ENPP2: variants seen among roughly 807,000 people sequenced by gnomAD.
ENPP2 encodes the protein ectonucleotide pyrophosphatase/phosphodiesterase 2.
In ENPP2, 51 loss-of-function variants were observed where a neutral mutation model predicts 120.2. The observed-to-expected ratio is 0.42, with a 90% CI of 0.34 to 0.54. ENPP2 has a LOEUF of 0.54. Ranked by LOEUF, ENPP2 falls within the 20% of genes least tolerant of loss-of-function variation. ENPP2 has a pLI of 0.04. For synonymous variants in ENPP2, 365 were observed against 366.4 expected, an observed-to-expected ratio of 1.00 and a Z score of 0.04; for missense variants, 920 against 1,066.5, an observed-to-expected ratio of 0.86 and a Z score of 1.91.
rs558045681 is a variant in ENPP2, at chr8:119,659,054, C to T, written c.21+14198G>A. ...TCTTGGCTGGGCACAGTGGCTCACA[C>T]CTGTAGTCCCAGCACTTTGGAAGGC... On this transcript the variant is annotated intron_variant, in intron 1 of 25. Transcript: ENST00000427067. Among the ~76,000 whole-genome samples, 3 of 152,202 alleles carry T rather than the reference C, an allele frequency of 2.0e-5. No individual in the cohort carries two copies. The East Asian group carries it at 5.8e-4, about 29-fold the overall frequency.
Position 119,585,927 on chromosome 8 carries a change from G to GACACACAC in ENPP2, c.1367+251_1367+258dup, listed in dbSNP as rs34249912. Among the ~76,000 whole-genome samples the GACACACAC allele has an allele frequency of 3.8e-3, 549 of 146,320 alleles. 1 individual carries two copies. The highest frequency in any genetic ancestry group is 0.011 in the Middle Eastern group (3 of 284). On this transcript the variant is annotated intron_variant, in intron 15 of 24. Transcript: ENST00000075322. The stretch of plus-strand genomic sequence containing the variant: ...GAATGTAAATTCAAAGGATGAAAGA[G>GACACACAC]ACACACACACACACACACACACACA...
At chr8:119,616,217 A>G (rs775075285) in intron 8 of ENPP2, 48 bp downstream of exon 8, 10 of 1,538,626 alleles carry the variant, frequency 6.5e-6, no homozygotes, top group South Asian at 4.9e-5. Flanking sequence ...AAATGTCTCA[A>G]TACATGAACA....
At chr8:119,634,044 G>A (rs536998588) in intron 2 of ENPP2, among the ~76,000 whole-genome samples, 160 of 152,104 alleles carry the variant, frequency 1.1e-3, no homozygotes, top group African/African-American at 3.6e-3. Flanking sequence ...TTAGCCTGGC[G>A]CGGTGGTGGG....
chr8:119,602,031 G>C (rs1814348374), intron 9 of ENPP2, among the ~76,000 whole-genome samples: 1 of 152,164 alleles, frequency 6.6e-6, no homozygotes, highest in Admixed American at 6.5e-5. Context: ...TGATCATAAT[G>C]CGTTATCATT....
intron 9 of ENPP2, among the ~76,000 whole-genome samples, chr8:119,604,435 A>T (rs1386947621): frequency 6.6e-6 from 1 of 152,216 alleles, no homozygotes; most frequent in African/African-American, 2.4e-5. Flanking sequence ...GCCCTTAGCC[A>T]TTAGCATTTC....
intron 8 of ENPP2, among the ~76,000 whole-genome samples, chr8:119,610,504 G>C (rs1246023131): frequency 3.3e-5 from 5 of 151,908 alleles, no homozygotes; most frequent in Middle Eastern, 3.2e-3. Flanking sequence ...GAGAGAGAGA[G>C]AGAGAGAGAG....
chr8:119,576,775 G>A (rs186148859), intron 19 of ENPP2, among the ~76,000 whole-genome samples: 5 of 152,166 alleles, frequency 3.3e-5, no homozygotes, highest in Non-Finnish European at 5.9e-5. Flanking sequence ...ATGGAAAGTC[G>A]GCCAAGACAT....
At chr8:119,662,580 A>G (rs888301258) in intron 1 of ENPP2, among the ~76,000 whole-genome samples, 5 of 152,290 alleles carry the variant, frequency 3.3e-5, no homozygotes, top group Admixed American at 6.5e-5. Context: ...ACAGATCTAC[A>G]TATTTCTATT....
intron 1 of ENPP2, among the ~76,000 whole-genome samples, chr8:119,662,207 T>A (rs1563780010): frequency 6.6e-6 from 1 of 152,154 alleles, no homozygotes; most frequent in Non-Finnish European, 1.5e-5. Flanking sequence ...ATGATAAGGA[T>A]GTGAGGTGAT....
At chr8:119,619,346 C>T in intron 4 of ENPP2, 42 bp from the exon 5 acceptor site, 1 of 1,315,186 alleles carries the variant, frequency 7.6e-7, no homozygotes, top group Middle Eastern at 1.8e-4. Flanking sequence ...AATCTAATTA[C>T]AAATGCCATG....
chr8:119,638,474 A>G lies in ENPP2; in HGVS notation c.87T>C (p.Thr29=). 1 of 1,611,244 alleles carries G rather than the reference A, an allele frequency of 6.2e-7. No individual in the cohort carries two copies. The highest frequency in any genetic ancestry group is 2.2e-5 in the East Asian group (1 of 44,876). The change falls in exon 2 of 25, where the codon ACT becomes ACC. Residue 29 remains threonine (T), a synonymous_variant. Coordinates refer to ENST00000075322, the MANE Select transcript of ENPP2 (RefSeq NM_001040092.3). ...CTTCTGCTCTCTTAATTCGATGTGC[A>G]GTGAATCCTAAGCAGATATTGACTC... ...AVGVNICLGF[T]AHRIKRAEGW...
At chr8:119,604,326 C>T (rs1346619359) in intron 9 of ENPP2, among the ~76,000 whole-genome samples, 1 of 152,178 alleles carries the variant, frequency 6.6e-6, no homozygotes, top group Non-Finnish European at 1.5e-5. Context: ...CCACACCCAG[C>T]CTCTAATCTC....
chr8:119,646,127 C>T lies in ENPP2; in HGVS notation c.22-7600G>A, dbSNP rs147441261. On this transcript the variant is annotated intron_variant, in intron 1 of 25. Transcript: ENST00000427067. ...GGGATTACAGGCATGTGTCACCATA[C>T]CCGGCTAATTTTTTTGTATTTTTAG... Among the ~76,000 whole-genome samples the T allele has an allele frequency of 2.5e-3, 387 of 152,036 alleles. 1 individual carries two copies. The highest frequency in any genetic ancestry group is 8.6e-3 in the African/African-American group (355 of 41,480).
intron 19 of ENPP2, chr8:119,571,179 T>C (rs1035530559): frequency 4.9e-5 from 8 of 164,920 alleles, no homozygotes; most frequent in Admixed American, 4.5e-4. Context: ...GCCAATAGGA[T>C]TGGATTTCTG....
intron 12 of ENPP2, chr8:119,592,970 G>A (rs990017766): frequency 1.8e-5 from 18 of 981,748 alleles, no homozygotes; most frequent in Non-Finnish European, 2.1e-5. Flanking sequence ...TTCATCCTCC[G>A]AACTCCACTA....
At chr8:119,635,564 A>C (rs1816949336) in intron 2 of ENPP2, among the ~76,000 whole-genome samples, 1 of 152,210 alleles carries the variant, frequency 6.6e-6, no homozygotes, top group Admixed American at 6.5e-5. Flanking sequence ...AGGCAAATCA[A>C]GTGGGCCACA....
intron 3 of ENPP2, among the ~76,000 whole-genome samples, chr8:119,623,584 A>T (rs1360886960): frequency 3.9e-5 from 6 of 152,144 alleles, no homozygotes; most frequent in Non-Finnish European, 8.8e-5. Context: ...TTCTTTTAGA[A>T]TTACCTTTGC....
chr8:119,600,094 G>T (rs374673989), intron 11 of ENPP2, among the ~76,000 whole-genome samples: 12 of 151,938 alleles, frequency 7.9e-5, no homozygotes, highest in East Asian at 1.9e-4. Context: ...TGTTACTTTG[G>T]GGGGGTGATG....
At chr8:119,567,006 G>T (rs1165600346) in intron 22 of ENPP2, among the ~76,000 whole-genome samples, 1 of 152,078 alleles carries the variant, frequency 6.6e-6, no homozygotes, top group Non-Finnish European at 1.5e-5. Flanking sequence ...TTTCACCAAT[G>T]TTAAGCTGCG....
Sources: allele counts gnomAD v4.1 joint callset (sites outside exome capture counted in the v4.1 genomes callset), GRCh38; gene constraint gnomAD v4.1.1; transcripts MANE v1.5; gene names NCBI Gene and HGNC (gene_info 2026-07-23, HGNC 2026-07-21).